Variants in STPG2 observed in about 807,000 individuals in gnomAD.
STPG2 encodes the protein sperm tail PG-rich repeat containing 2.
In STPG2, 56 loss-of-function variants were observed where a neutral mutation model predicts 54.2. The ratio of observed to expected loss-of-function variants is 1.03; its 90% confidence interval spans 0.83 to 1.29. STPG2 has a LOEUF of 1.29. Ranked by LOEUF, STPG2 falls within the 50% of genes most tolerant of loss-of-function variation. The probability of loss-of-function intolerance (pLI) is 0.00; values close to 1 mark genes in which losing one functional copy is unlikely to be tolerated. For synonymous variants in STPG2, 200 were observed against 181.8 expected (o/e 1.10, Z -0.81); for missense variants, 596 against 544.9 (o/e 1.09, Z -0.93).
chr4:98,134,265 TA>T, intron 2 of STPG2, 81 bp downstream of exon 2: 1 of 663,100 alleles, frequency 1.5e-6, no homozygotes, highest in Non-Finnish European at 2.3e-6. Flanking sequence ...AAGCAGAAAA[TA>T]AAATACAACA....
intron 4 of STPG2, among the ~76,000 whole-genome samples, chr4:97,547,012 T>C (rs1324670236): frequency 6.6e-6 from 1 of 152,134 alleles, no homozygotes. Context: ...ATATAGGTTT[T>C]TTTAAAAAAA....
intron 10 of STPG2, among the ~76,000 whole-genome samples, chr4:97,665,878 T>G (rs997289940): frequency 2.6e-5 from 4 of 151,742 alleles, no homozygotes; most frequent in African/African-American, 9.7e-5. Flanking sequence ...CCAGCTGGAG[T>G]GAGACAGTGC....
intron 9 of STPG2, among the ~76,000 whole-genome samples, chr4:97,798,869 G>A (rs1223537395): frequency 5.2e-5 from 2 of 38,244 alleles, no homozygotes; most frequent in African/African-American, 2.2e-4. Flanking sequence ...GGGTGCTCCT[G>A]TATTGGGTGC....
chr4:97,986,732 T>C (rs1195408068), intron 5 of STPG2, among the ~76,000 whole-genome samples: 1 of 152,250 alleles, frequency 6.6e-6, no homozygotes, highest in East Asian at 1.9e-4. Context: ...TTTACCCATA[T>C]GTTTTGGCAA....
intron 4 of STPG2, among the ~76,000 whole-genome samples, chr4:97,549,651 A>G (rs986121761): frequency 1.3e-5 from 2 of 152,208 alleles, no homozygotes; most frequent in Admixed American, 6.5e-5. Context: ...GTGGCCCCTG[A>G]ATCTAACAAT....
At chr4:97,653,973 C>A (rs1722146679) in intron 10 of STPG2, among the ~76,000 whole-genome samples, 1 of 150,380 alleles carries the variant, frequency 6.6e-6, no homozygotes, top group Non-Finnish European at 1.5e-5. Flanking sequence ...GATATAAATG[C>A]AAGGGTTAAG....
chr4:97,922,179 A>G (rs1409281774), intron 8 of STPG2, among the ~76,000 whole-genome samples: 1 of 152,196 alleles, frequency 6.6e-6, no homozygotes, highest in African/African-American at 2.4e-5. Flanking sequence ...ACAAAAATGT[A>G]TTTGTGGTGA....
At chr4:98,041,901 A>G (rs1329420190) in intron 5 of STPG2, among the ~76,000 whole-genome samples, 1 of 152,034 alleles carries the variant, frequency 6.6e-6, no homozygotes, top group Non-Finnish European at 1.5e-5. Flanking sequence ...TAATTTCCGC[A>G]GAATTGGTAC....
At chr4:97,537,763 C>A (rs1181748275) in intron 4 of STPG2, among the ~76,000 whole-genome samples, 1 of 152,030 alleles carries the variant, frequency 6.6e-6, no homozygotes, top group Admixed American at 6.6e-5. Flanking sequence ...GGGTCCCTGA[C>A]CCCTGAGTAG....
intron 5 of STPG2, among the ~76,000 whole-genome samples, chr4:98,002,918 A>G (rs531608684): frequency 6.6e-6 from 1 of 152,246 alleles, no homozygotes; most frequent in Admixed American, 6.5e-5. Context: ...TTTTTAAATT[A>G]GCATAAAAAT....
chr4:97,518,122 C>T (rs1731112011), intron 4 of STPG2, among the ~76,000 whole-genome samples: 1 of 152,058 alleles, frequency 6.6e-6, no homozygotes, highest in Non-Finnish European at 1.5e-5. Flanking sequence ...GCTATTTTGA[C>T]ACATTAATGC....
chr4:97,728,102 C>T (rs1724679138), intron 9 of STPG2, among the ~76,000 whole-genome samples: 1 of 151,838 alleles, frequency 6.6e-6, no homozygotes, highest in Admixed American at 6.6e-5. Context: ...CTTCAGATGG[C>T]CATAAAGTAT....
At chr4:97,551,109 T>G (rs1436293155) in intron 4 of STPG2, among the ~76,000 whole-genome samples, 1 of 151,632 alleles carries the variant, frequency 6.6e-6, no homozygotes, top group African/African-American at 2.4e-5. Context: ...TTTTACAGAG[T>G]GCTGATTGGT....
At chr4:98,061,891 T>C (rs954491037) in intron 5 of STPG2, among the ~76,000 whole-genome samples, 8 of 152,202 alleles carry the variant, frequency 5.3e-5, no homozygotes, top group Non-Finnish European at 4.4e-5. Flanking sequence ...AGTATGGTGA[T>C]TGCTCAAAGA....
At chr4:97,497,044 G>T (rs1200127017) in intron 4 of STPG2, among the ~76,000 whole-genome samples, 4 of 146,830 alleles carry the variant, frequency 2.7e-5, no homozygotes, top group Non-Finnish European at 6.0e-5. Context: ...CAGGAAAAAA[G>T]AAGCATTATT....
chr4:97,536,561 A>C (rs1731536201), intron 4 of STPG2, among the ~76,000 whole-genome samples: 1 of 152,200 alleles, frequency 6.6e-6, no homozygotes, highest in African/African-American at 2.4e-5. Context: ...TTAAAGAAAA[A>C]AGACATTCAA....
intron 10 of STPG2, among the ~76,000 whole-genome samples, chr4:97,603,030 C>T (rs1037227406): frequency 6.6e-6 from 1 of 151,448 alleles, no homozygotes; most frequent in Non-Finnish European, 1.5e-5. Context: ...GAAAAGATGG[C>T]CTATGAAATA....
chr4:97,918,924 T>C (rs1205191339), intron 8 of STPG2, among the ~76,000 whole-genome samples: 1 of 152,150 alleles, frequency 6.6e-6, no homozygotes, highest in Non-Finnish European at 1.5e-5. Context: ...ATAGCTTATT[T>C]ATGTAACCAA....
chr4:97,760,390 C>A (rs905965306), intron 9 of STPG2, among the ~76,000 whole-genome samples: 3 of 152,042 alleles, frequency 2.0e-5, no homozygotes, highest in Non-Finnish European at 4.4e-5. Context: ...AGTAAATGAG[C>A]CAAGGCAAGA....
Sources: allele counts gnomAD v4.1 joint callset (sites outside exome capture counted in the v4.1 genomes callset), GRCh38; gene constraint gnomAD v4.1.1; transcripts MANE v1.5; gene names NCBI Gene and HGNC (gene_info 2026-07-23, HGNC 2026-07-21).